Variants in GGH observed in about 807,000 individuals in gnomAD.
GGH encodes gamma-glutamyl hydrolase, also known as gamma-Glu-X carboxypeptidase.
In GGH, 18 loss-of-function variants were observed where a neutral mutation model predicts 39.2. The observed-to-expected ratio is 0.46, with a 90% CI of 0.32 to 0.68. The LOEUF is 0.68. Among genes scored for constraint, GGH ranks in the 30% least tolerant of loss-of-function variants. The pLI, the probability that GGH is intolerant of heterozygous loss-of-function variation, is 0.04. For synonymous variants in GGH, 147 were observed against 138.8 expected, an observed-to-expected ratio of 1.06 and a Z score of -0.42; for missense variants, 367 against 384.1, an observed-to-expected ratio of 0.96 and a Z score of 0.37.
intron 2 of GGH, among the ~76,000 whole-genome samples, chr8:63,035,034 C>G (rs1003435340): frequency 5.9e-5 from 9 of 152,222 alleles, no homozygotes; most frequent in Non-Finnish European, 8.8e-5. Context: ...ACCCCGCCCC[C>G]CCAACCACTT....
intron 7 of GGH, 27 bp downstream of exon 7, chr8:63,023,880 T>G: frequency 1.5e-6 from 2 of 1,344,216 alleles, no homozygotes; most frequent in Non-Finnish European, 2.0e-6. Context: ...ATAAGTGAAA[T>G]AAAGTATACA....
chr8:63,027,104 T>A, intron 4 of GGH, 77 bp downstream of exon 4: 1 of 786,330 alleles, frequency 1.3e-6, no homozygotes, highest in Non-Finnish European at 2.3e-6. Context: ...AGCATTACCA[T>A]CTGCTTAAAA....
chr8:63,028,061 T>C (rs1804730279), intron 3 of GGH: 1 of 152,194 alleles, frequency 6.6e-6, no homozygotes, highest in South Asian at 2.1e-4. Context: ...AAATACGAGC[T>C]TGAGATATGT....
chr8:63,038,104 T>C (rs1330134615), intron 1 of GGH, among the ~76,000 whole-genome samples: 1 of 152,216 alleles, frequency 6.6e-6, no homozygotes, highest in Non-Finnish European at 1.5e-5. Context: ...AACACAAATA[T>C]GTTGGAAACG....
At chr8:63,036,294 G>C (rs1398408865) in intron 1 of GGH, among the ~76,000 whole-genome samples, 1 of 152,116 alleles carries the variant, frequency 6.6e-6, no homozygotes, top group Non-Finnish European at 1.5e-5. Flanking sequence ...GCTCCAAGCA[G>C]CTCCCCATGT....
intron 8 of GGH, among the ~76,000 whole-genome samples, chr8:63,015,828 CTATCA>C (rs553124871): frequency 0.2 from 31,028 of 152,070 alleles, 3,346 homozygotes; most frequent in East Asian, 0.42. Context: ...AAATACCTAC[CTATCA>C]AATACACAAG....
chr8:63,016,588 AG>A (rs1804491277), intron 8 of GGH, among the ~76,000 whole-genome samples: 1 of 152,226 alleles, frequency 6.6e-6, no homozygotes, highest in Non-Finnish European at 1.5e-5. Context: ...CGTCATCGAT[AG>A]GTTCTTGTAG....
At chr8:63,023,167 A>G (rs1804624860) in intron 7 of GGH, among the ~76,000 whole-genome samples, 1 of 152,216 alleles carries the variant, frequency 6.6e-6, no homozygotes, top group South Asian at 2.1e-4. Context: ...TTACCAGTCT[A>G]AGGCAACCTT....
intron 5 of GGH, among the ~76,000 whole-genome samples, chr8:63,025,689 T>C (rs1804670833): frequency 6.6e-6 from 1 of 151,854 alleles, no homozygotes; most frequent in South Asian, 2.1e-4. Flanking sequence ...CGAGATTGCG[T>C]CACTGCGCTC....
intron 2 of GGH, among the ~76,000 whole-genome samples, chr8:63,034,041 T>C (rs1405431713): frequency 6.8e-6 from 1 of 146,430 alleles, no homozygotes. Context: ...TAAAAATATA[T>C]ATATATTTTT....
intron 4 of GGH, 54 bp from the exon 5 acceptor site, chr8:63,026,350 A>G: frequency 7.1e-7 from 1 of 1,418,084 alleles, no homozygotes; most frequent in Non-Finnish European, 9.8e-7. Flanking sequence ...TCAAAATAAA[A>G]ATTAGCCATA....
At chr8:63,030,345 C>G in intron 2 of GGH, 128 bp from the exon 3 acceptor site, 1 of 562,870 alleles carries the variant, frequency 1.8e-6, no homozygotes, top group South Asian at 2.6e-5. Flanking sequence ...TATTACCTCT[C>G]TACTTTTCTA....
intron 5 of GGH, among the ~76,000 whole-genome samples, chr8:63,025,540 C>T (rs925875352): frequency 9.2e-5 from 14 of 152,146 alleles, no homozygotes; most frequent in Non-Finnish European, 1.6e-4. Context: ...TGAGACCAGC[C>T]TGGCCAATAT....
intron 7 of GGH, among the ~76,000 whole-genome samples, chr8:63,020,729 TCGTGCAGGGTACAAG>T (rs1804570017): frequency 6.6e-6 from 1 of 151,966 alleles, no homozygotes; most frequent in South Asian, 2.1e-4. Flanking sequence ...AGCAAACAGG[TCGTGCAGGGTACAAG>T]CTAGAGGTGA....
rs116067959 is a variant in GGH, at chr8:63,027,788, C to T, written c.276-523G>A. The stretch of plus-strand genomic sequence containing the variant: ...ATCACCCCGAGTCTCTTCAGAAACA[C>T]GCACAGTATTAGAACATTTTTTTCA... On this transcript the variant is annotated intron_variant, in intron 3 of 8. Transcript: ENST00000260118. Among the ~76,000 whole-genome samples, 538 of 151,938 alleles carry T rather than the reference C, an allele frequency of 3.5e-3. 4 individuals carry two copies. The highest frequency in any genetic ancestry group is 0.013 in the African/African-American group (519 of 41,458).
intron 5 of GGH, among the ~76,000 whole-genome samples, chr8:63,025,955 A>C (rs566460840): frequency 1.2e-4 from 19 of 152,220 alleles, no homozygotes; most frequent in Admixed American, 6.5e-5. Context: ...CAATTCCTTA[A>C]GTCATCCTCA....
At chr8:63,017,700 A>C in intron 7 of GGH, 70 bp from the exon 8 acceptor site, 1 of 890,248 alleles carries the variant, frequency 1.1e-6, no homozygotes. Context: ...AAATTGGTTT[A>C]TTTCTTATGT....
At chr8:63,035,096 T>C (rs546627834) in intron 2 of GGH, among the ~76,000 whole-genome samples, 2 of 152,012 alleles carry the variant, frequency 1.3e-5, no homozygotes, top group South Asian at 4.2e-4. Context: ...CCACCTTTTC[T>C]GGGATAAAGG....
intron 7 of GGH, chr8:63,023,517 T>G (rs1241037282): frequency 6.5e-6 from 1 of 153,876 alleles, no homozygotes; most frequent in Non-Finnish European, 1.4e-5. Flanking sequence ...ATTTTGGACC[T>G]GAGTATCTTT....
Sources: gnomAD v4.1 joint callset for allele counts (sites outside exome capture counted in the v4.1 genomes callset) on GRCh38, gnomAD v4.1.1 for gene constraint, MANE v1.5 for transcripts, NCBI Gene and HGNC (gene_info 2026-07-23, HGNC 2026-07-21) for gene names.